Variants in CDH13 observed in about 807,000 individuals in gnomAD.
CDH13 encodes the protein cadherin-13.
A neutral mutation model predicts 63.8 loss-of-function variants in CDH13; 24 were observed. The observed-to-expected ratio is 0.38, with a 90% CI of 0.27 to 0.53. The LOEUF (loss-of-function observed/expected upper bound fraction) is 0.53, where lower values mean the gene tolerates loss of function less well. CDH13 is among the 20% of genes least tolerant of loss of function. The probability of loss-of-function intolerance (pLI) is 0.85; values close to 1 mark genes in which losing one functional copy is unlikely to be tolerated. For synonymous variants in CDH13, 503 were observed against 355.3 expected, an observed-to-expected ratio of 1.42 and a Z score of -4.67; for missense variants, 1,049 against 903.1, an observed-to-expected ratio of 1.16 and a Z score of -2.07.
intron 7 of CDH13, among the ~76,000 whole-genome samples, chr16:83,514,519 C>A (rs898428258): frequency 6.6e-6 from 1 of 152,162 alleles, no homozygotes; most frequent in Non-Finnish European, 1.5e-5. Context: ...GTGGTGCTCA[C>A]CTGCAGTCTA....
At chr16:83,531,924 T>C (rs2075092345) in intron 7 of CDH13, among the ~76,000 whole-genome samples, 1 of 152,148 alleles carries the variant, frequency 6.6e-6, no homozygotes, top group Non-Finnish European at 1.5e-5. Flanking sequence ...TTTAGCTGTG[T>C]CCCCACTCAA....
intron 9 of CDH13, among the ~76,000 whole-genome samples, chr16:83,676,967 C>T (rs1383074320): frequency 6.6e-6 from 1 of 152,200 alleles, no homozygotes; most frequent in African/African-American, 2.4e-5. Context: ...ACTGTTGTTG[C>T]TTACTTTTAG....
chr16:83,396,596 C>A (rs3736239), intron 6 of CDH13: 10 of 151,956 alleles, frequency 6.6e-5, no homozygotes, highest in African/African-American at 1.9e-4. Context: ...TTGGCTTTAC[C>A]TGAACTCTCT....
At chr16:82,739,072 G>A (rs953876470) in intron 1 of CDH13, among the ~76,000 whole-genome samples, 1 of 152,156 alleles carries the variant, frequency 6.6e-6, no homozygotes, top group Non-Finnish European at 1.5e-5. Context: ...CCACCCCTGG[G>A]AACTGTGCCC....
intron 6 of CDH13, among the ~76,000 whole-genome samples, chr16:83,445,977 C>G (rs1354064641): frequency 6.6e-6 from 1 of 152,104 alleles, no homozygotes; most frequent in East Asian, 1.9e-4. Flanking sequence ...CATCCCTCCC[C>G]CATCAAACTT....
chr16:82,685,131 C>A (rs1380836228), intron 1 of CDH13, among the ~76,000 whole-genome samples: 3 of 152,180 alleles, frequency 2.0e-5, no homozygotes, highest in Non-Finnish European at 4.4e-5. Context: ...GGAAAAAATA[C>A]TTCAGTTTTG....
At chr16:83,419,638 C>A (rs1211619359) in intron 6 of CDH13, among the ~76,000 whole-genome samples, 1 of 152,196 alleles carries the variant, frequency 6.6e-6, no homozygotes, top group African/African-American at 2.4e-5. Flanking sequence ...GGGGAATTTA[C>A]TCAACACCAT....
intron 10 of CDH13, chr16:83,721,643 C>T (rs761083020): frequency 9.9e-5 from 15 of 152,194 alleles, no homozygotes; most frequent in Admixed American, 2.0e-4. Flanking sequence ...CTTGTGGTCT[C>T]CTGGGAGCTG....
At chr16:82,628,500 T>A (rs1018194749) in intron 1 of CDH13, among the ~76,000 whole-genome samples, 2 of 152,102 alleles carry the variant, frequency 1.3e-5, no homozygotes, top group African/African-American at 2.4e-5. Context: ...TGGGCTAACA[T>A]CTCAGAAATG....
chr16:83,255,073 G>A (rs1367978892), intron 5 of CDH13, among the ~76,000 whole-genome samples: 1 of 147,386 alleles, frequency 6.8e-6, no homozygotes, highest in African/African-American at 2.5e-5. Flanking sequence ...AGGTGTCTGT[G>A]ACAGATGGCT....
intron 2 of CDH13, among the ~76,000 whole-genome samples, chr16:82,880,426 C>T (rs1426596029): frequency 6.6e-6 from 1 of 152,124 alleles, no homozygotes; most frequent in African/African-American, 2.4e-5. Context: ...CTGCCGAGGG[C>T]CTTCATCTAA....
chr16:82,809,687 A>C (rs1034268567), intron 1 of CDH13, among the ~76,000 whole-genome samples: 8 of 152,162 alleles, frequency 5.3e-5, no homozygotes, highest in African/African-American at 1.7e-4. Context: ...GGATTTAGCA[A>C]ATATGTTATG....
At chr16:83,406,554 C>T (rs1397811967) in intron 6 of CDH13, among the ~76,000 whole-genome samples, 2 of 152,134 alleles carry the variant, frequency 1.3e-5, no homozygotes, top group Non-Finnish European at 2.9e-5. Flanking sequence ...ACCTCTGCCT[C>T]CTGGGTTCCA....
At chr16:82,895,365 C>T (rs1365084911) in intron 2 of CDH13, among the ~76,000 whole-genome samples, 2 of 152,198 alleles carry the variant, frequency 1.3e-5, no homozygotes, top group African/African-American at 4.8e-5. Flanking sequence ...GGCTCAAACA[C>T]AAATTTGCCA....
chr16:82,884,434 C>G (rs1597897439), intron 2 of CDH13: 1 of 309,116 alleles, frequency 3.2e-6, no homozygotes, highest in Non-Finnish European at 6.4e-6. Context: ...AAGCAAGATG[C>G]TTAGTTAACA....
chr16:83,013,453 C>T (rs1322290820), intron 2 of CDH13, among the ~76,000 whole-genome samples: 1 of 152,152 alleles, frequency 6.6e-6, no homozygotes, highest in African/African-American at 2.4e-5. Context: ...CATAAACAAA[C>T]CAAGCAAGCC....
chr16:82,719,895 T>G (rs2032653985), intron 1 of CDH13, among the ~76,000 whole-genome samples: 1 of 149,302 alleles, frequency 6.7e-6, no homozygotes, highest in Non-Finnish European at 1.5e-5. Context: ...TGTCCTCACT[T>G]AACTTCATTG....
chr16:83,561,172 C>T (rs1016421802), intron 7 of CDH13, among the ~76,000 whole-genome samples: 8 of 151,958 alleles, frequency 5.3e-5, no homozygotes, highest in Non-Finnish European at 1.0e-4. Context: ...TCAGGCCGGG[C>T]GCAGTGGCTC....
At chr16:82,871,932 C>T (rs964890121) in intron 2 of CDH13, among the ~76,000 whole-genome samples, 1 of 152,194 alleles carries the variant, frequency 6.6e-6, no homozygotes, top group African/African-American at 2.4e-5. Flanking sequence ...CAGCAAATAT[C>T]TCAAGGCTGA....
Sources: allele counts gnomAD v4.1 joint callset (sites outside exome capture counted in the v4.1 genomes callset), GRCh38; gene constraint gnomAD v4.1.1; transcripts MANE v1.5; gene names NCBI Gene and HGNC (gene_info 2026-07-23, HGNC 2026-07-21).